Variants in PPP4R4 observed in about 807,000 individuals in gnomAD.
PPP4R4 encodes protein phosphatase 4 regulatory subunit 4.
Under a neutral mutation model 121.8 loss-of-function variants are expected in PPP4R4, and 70 were observed. The ratio of observed to expected loss-of-function variants is 0.57; its 90% CI spans 0.47 to 0.70. The LOEUF is 0.70. PPP4R4 is among the 30% of genes least tolerant of loss of function. The pLI is 0.00. For missense variants in PPP4R4, 875 were observed against 1,033.6 expected, an observed-to-expected ratio of 0.85 and a Z score of 2.10; for synonymous variants, 348 against 355.7, an observed-to-expected ratio of 0.98 and a Z score of 0.24.
At chr14:94,181,737 C>A (rs910122398) in intron 2 of PPP4R4, among the ~76,000 whole-genome samples, 3 of 152,114 alleles carry the variant, frequency 2.0e-5, no homozygotes, top group African/African-American at 7.2e-5. Context: ...TTCTTCCATA[C>A]TTTAGTAGCA....
In PPP4R4 at chr14:94,250,214, A is replaced by C; in HGVS notation, c.1654A>C (p.Ile552Leu). 6.2e-7 allele frequency: 1 copy of C among 1,612,650 alleles called. No homozygotes were observed. Among genetic ancestry groups the C allele is most frequent in the Non-Finnish European group, 8.5e-7 (1 of 1,179,028 alleles). Reference sequence around the variant, plus strand: ...AAAGGCGGCTTCACGAACTCTATGCATTTTTCTGCGTTATAATCGTAAACA... The same window carrying C: ...AAAGGCGGCTTCACGAACTCTATGCCTTTTTCTGCGTTATAATCGTAAACA... ...VQKAASRTLC[I>L]FLRYNRKQEQ... Residue 552 changes from isoleucine (I) to leucine (L), a missense_variant, in exon 15 of 25, where the codon ATT (isoleucine) becomes CTT (leucine). By Grantham distance (5) the Ile-to-Leu change is conservative. Transcript: ENST00000304338.
chr14:94,184,132 A>G (rs973957032), intron 2 of PPP4R4, among the ~76,000 whole-genome samples: 1 of 152,328 alleles, frequency 6.6e-6, no homozygotes, highest in Middle Eastern at 3.4e-3. Context: ...ATTATAACTA[A>G]TTAGTTCCCA....
intron 6 of PPP4R4, among the ~76,000 whole-genome samples, chr14:94,234,182 G>T (rs962499598): frequency 5.3e-5 from 8 of 152,104 alleles, no homozygotes; most frequent in Non-Finnish European, 1.0e-4. Context: ...GCTACTTCTT[G>T]CCTGCTTATT....
chr14:94,246,363 T>A lies in PPP4R4; in HGVS notation c.1435T>A (p.Ser479Thr). 6.3e-7 allele frequency: 1 copy of A among 1,595,976 alleles called. No homozygotes were observed. Among genetic ancestry groups the A allele is most frequent in the Non-Finnish European group, 8.5e-7 (1 of 1,175,276 alleles). ...ESSVQENKLS[S>T]LPDLIPALTA... ...TGATGCGTTTCATTTTCAGTTATCT[T>A]CTCTGCCTGACTTGATTCCAGCACT... The change falls in exon 14 of 25, where the codon TCT becomes ACT. Residue 479 changes from serine to threonine, a missense_variant. Physicochemically the swap from Ser to Thr is moderately conservative, Grantham distance 58. Transcript: ENST00000304338.
intron 22 of PPP4R4, 31 bp downstream of exon 22, chr14:94,265,918 A>G (rs751398801): frequency 2.2e-6 from 3 of 1,361,298 alleles, no homozygotes; most frequent in African/African-American, 1.5e-5. Flanking sequence ...AATTTTTAAC[A>G]TAATTTTTAT....
chr14:94,216,465 G>T (rs781215671), intron 3 of PPP4R4, among the ~76,000 whole-genome samples: 1 of 152,218 alleles, frequency 6.6e-6, no homozygotes, highest in Non-Finnish European at 1.5e-5. Flanking sequence ...CACAGTTTAT[G>T]TGTTTAGGAT....
chr14:94,250,082 T>G, intron 14 of PPP4R4, 90 bp from the exon 15 acceptor site: 1 of 812,152 alleles, frequency 1.2e-6, no homozygotes, highest in East Asian at 2.6e-5. Context: ...ACTTTAGTTT[T>G]GTCAATAACT....
At chr14:94,245,928 A>T (rs1384206296) in intron 13 of PPP4R4, among the ~76,000 whole-genome samples, 1 of 152,134 alleles carries the variant, frequency 6.6e-6, no homozygotes, top group Non-Finnish European at 1.5e-5. Context: ...TTTCATTAGC[A>T]TTAATGATTA....
intron 2 of PPP4R4, among the ~76,000 whole-genome samples, chr14:94,188,858 A>T (rs1189297002): frequency 2.6e-5 from 4 of 152,084 alleles, no homozygotes; most frequent in African/African-American, 9.7e-5. Context: ...TACATAATTT[A>T]TTTTTTCTCA....
intron 16 of PPP4R4, among the ~76,000 whole-genome samples, chr14:94,252,347 G>A (rs1220120179): frequency 1.3e-5 from 2 of 152,006 alleles, no homozygotes; most frequent in African/African-American, 2.4e-5. Flanking sequence ...TCTATGTTTT[G>A]CCTTATATTA....
intron 18 of PPP4R4, 152 bp from the exon 19 acceptor site, chr14:94,259,143 C>G: frequency 1.5e-6 from 2 of 1,318,212 alleles, no homozygotes; most frequent in South Asian, 1.5e-5. Context: ...CACCCGGTCC[C>G]TCCCACAACA....
intron 23 of PPP4R4, among the ~76,000 whole-genome samples, chr14:94,274,691 T>C (rs1894539110): frequency 6.6e-6 from 1 of 152,092 alleles, no homozygotes; most frequent in Non-Finnish European, 1.5e-5. Flanking sequence ...CTGGCAGAAA[T>C]GTCAGGAAAG....
At chr14:94,239,507 C>G (rs1290825311) in intron 8 of PPP4R4, among the ~76,000 whole-genome samples, 1 of 151,878 alleles carries the variant, frequency 6.6e-6, no homozygotes, top group Admixed American at 6.6e-5. Context: ...TTCTTTAGTT[C>G]CCAGTTTAAA....
chr14:94,196,504 G>A (rs955962586), intron 2 of PPP4R4, among the ~76,000 whole-genome samples: 2 of 151,800 alleles, frequency 1.3e-5, no homozygotes, highest in Non-Finnish European at 2.9e-5. Context: ...AGTAGAGACG[G>A]GGTTTCACCA....
chr14:94,198,993 G>T (rs1236646417), intron 2 of PPP4R4, among the ~76,000 whole-genome samples: 1 of 152,084 alleles, frequency 6.6e-6, no homozygotes, highest in Non-Finnish European at 1.5e-5. Context: ...TGTCAGATTT[G>T]TTTTAGCTAT....
At chr14:94,267,440 C>A (rs1894105454) in intron 23 of PPP4R4, among the ~76,000 whole-genome samples, 1 of 152,148 alleles carries the variant, frequency 6.6e-6, no homozygotes, top group Admixed American at 6.5e-5. Context: ...CAGCACATTT[C>A]CCTGAAGGGC....
intron 11 of PPP4R4, 133 bp downstream of exon 11, chr14:94,242,541 A>G: frequency 1.1e-6 from 1 of 911,660 alleles, no homozygotes; most frequent in Non-Finnish European, 1.6e-6. Context: ...AATCTTGTTT[A>G]AAAATTTCCT....
chr14:94,234,672 A>G lies in PPP4R4; in HGVS notation c.731+3A>G. 1 of 1,557,216 alleles carries G rather than the reference A, an allele frequency of 6.4e-7. No individual in the cohort carries two copies. The highest frequency in any genetic ancestry group is 8.9e-7 in the Non-Finnish European group (1 of 1,129,346). Reference sequence around the variant, plus strand: ...GAAAATATAGCCCAGGGCATTGGGTAGGTATACTTTGAATTCCTTATGCCA... The same window carrying G: ...GAAAATATAGCCCAGGGCATTGGGTGGGTATACTTTGAATTCCTTATGCCA... On this transcript the variant is annotated splice_donor_region_variant and intron_variant, in intron 7 of 24. Transcript: ENST00000304338.
At chr14:94,193,860 A>G (rs1176033500) in intron 2 of PPP4R4, among the ~76,000 whole-genome samples, 2 of 152,210 alleles carry the variant, frequency 1.3e-5, no homozygotes, top group African/African-American at 4.8e-5. Context: ...TCATTTTAAC[A>G]AATATTTATG....
Sources: gnomAD v4.1 joint callset for allele counts (sites outside exome capture counted in the v4.1 genomes callset) on GRCh38, gnomAD v4.1.1 for gene constraint, MANE v1.5 for transcripts, NCBI Gene and HGNC (gene_info 2026-07-23, HGNC 2026-07-21) for gene names.